Variants in HTR2C observed in about 807,000 individuals in gnomAD.
The protein encoded by HTR2C is 5-hydroxytryptamine (serotonin) receptor 2C, G protein-coupled.
In HTR2C, 5 loss-of-function variants were observed where a neutral mutation model predicts 21.0. That is an observed-to-expected ratio of 0.24 (90% CI 0.12 to 0.50). The LOEUF is 0.50. Ranked by LOEUF, HTR2C falls within the 20% of genes least tolerant of loss-of-function variation. The pLI is 0.98. For missense variants in HTR2C, 271 were observed against 371.2 expected, an observed-to-expected ratio of 0.73 and a Z score of 2.22; for synonymous variants, 150 against 145.3, an observed-to-expected ratio of 1.03 and a Z score of -0.23.
rs147931919 is a variant in HTR2C, at chrX:114,740,636, T to C, written c.349+9029T>C. Reference sequence around the variant, plus strand: ...ACAAAATGGGATTTATTTTTTAAAATAAGGAATTTCTTTATTACCTGATAC... The same window carrying C: ...ACAAAATGGGATTTATTTTTTAAAACAAGGAATTTCTTTATTACCTGATAC... On this transcript the variant is annotated intron_variant, in intron 4 of 5. Transcript: ENST00000276198. 3.8e-3 allele frequency among the ~76,000 whole-genome samples: 423 copies of C among 111,757 alleles called. 4 individuals are homozygous for C. In the East Asian group the frequency reaches 0.054, roughly 14 times the overall value.
At chrX:114,885,693 TTTAGG>T (rs1221161317) in intron 5 of HTR2C, among the ~76,000 whole-genome samples, 1 of 111,750 alleles carries the variant, frequency 8.9e-6, no homozygotes, top group African/African-American at 3.2e-5. Flanking sequence ...ATTTTACTCA[TTTAGG>T]TTATTACTGT....
chrX:114,722,093 G>A (rs369638029), intron 2 of HTR2C, among the ~76,000 whole-genome samples: 1 of 109,857 alleles, frequency 9.1e-6, no homozygotes, highest in East Asian at 2.9e-4. Flanking sequence ...CATTGAATCT[G>A]TAAATTACCT....
chrX:114,823,453 G>T, intron 4 of HTR2C: 1 of 344,931 alleles, frequency 2.9e-6, no homozygotes, highest in Non-Finnish European at 5.8e-6. Flanking sequence ...TCTTCGCATG[G>T]GCCGGGAGGT....
At chrX:114,831,709 C>A (rs1269005688) in intron 4 of HTR2C, among the ~76,000 whole-genome samples, 1 of 107,478 alleles carries the variant, frequency 9.3e-6, no homozygotes, top group Non-Finnish European at 1.9e-5. Context: ...TTAATTAGAT[C>A]CCATTTGTCA....
Position 114,807,352 on chromosome X carries a change from A to G in HTR2C, c.350-40651A>G, listed in dbSNP as rs146424246. Among the ~76,000 whole-genome samples, 254 of 55,585 alleles carry G rather than the reference A, an allele frequency of 4.6e-3. 29 individuals carry two copies. The highest frequency in any genetic ancestry group is 0.017 in the African/African-American group (228 of 13,594). 48.3% of individuals were successfully genotyped at this position (55,585 alleles called of 115,157 possible). On this transcript the variant is annotated intron_variant, in intron 4 of 5. Coordinates refer to ENST00000276198, the MANE Select transcript of HTR2C (RefSeq NM_000868.4). ...TATATACACCATGTATCTATACCATATATATACACCATATATCTATACCAT... is the reference window on the plus strand; with the variant it reads ...TATATACACCATGTATCTATACCATGTATATACACCATATATCTATACCAT...
chrX:114,623,892 CT>C (rs386827009), intron 2 of HTR2C, among the ~76,000 whole-genome samples: 36 of 84,357 alleles, frequency 4.3e-4, no homozygotes, highest in Non-Finnish European at 7.9e-4. Context: ...CAAGTTGTCT[CT>C]TTTTTTGTTG....
chrX:114,766,027 C>T (rs781854088), intron 4 of HTR2C, among the ~76,000 whole-genome samples: 3 of 111,333 alleles, frequency 2.7e-5, no homozygotes, highest in Admixed American at 9.6e-5. Context: ...GTAAAAGATA[C>T]GGAAAGAATC....
intron 5 of HTR2C, among the ~76,000 whole-genome samples, chrX:114,864,567 T>C (rs1180911658): frequency 9.0e-6 from 1 of 111,353 alleles, no homozygotes; most frequent in Non-Finnish European, 1.9e-5. Flanking sequence ...TATACAGTAT[T>C]GAAGTATCCT....
intron 2 of HTR2C, among the ~76,000 whole-genome samples, chrX:114,701,260 A>C (rs1251383065): frequency 2.7e-5 from 3 of 112,062 alleles, no homozygotes; most frequent in African/African-American, 9.7e-5. Context: ...CTGCCTCCTC[A>C]AGTGGGTCCC....
At chrX:114,813,848 T>C (rs782183748) in intron 4 of HTR2C, among the ~76,000 whole-genome samples, 11 of 111,712 alleles carry the variant, frequency 9.8e-5, no homozygotes, top group African/African-American at 3.3e-4. Context: ...CAAGCTATGT[T>C]GTACATTACA....
intron 2 of HTR2C, among the ~76,000 whole-genome samples, chrX:114,622,009 G>C (rs1459712727): frequency 9.0e-6 from 1 of 111,709 alleles, no homozygotes; most frequent in African/African-American, 3.3e-5. Context: ...GCACTTGAAA[G>C]GCCAAGGCTC....
chrX:114,678,270 GACACACACACACACAC>G (rs200416814), intron 2 of HTR2C, among the ~76,000 whole-genome samples: 17 of 100,195 alleles, frequency 1.7e-4, no homozygotes, highest in Non-Finnish European at 2.8e-4. Context: ...CTCTCTGTCT[GACACACACACACACAC>G]ACACACACAC....
chrX:114,701,024 C>A (rs1261132405), intron 2 of HTR2C, among the ~76,000 whole-genome samples: 2 of 112,324 alleles, frequency 1.8e-5, no homozygotes, highest in African/African-American at 6.5e-5. Flanking sequence ...ACCGCCATTG[C>A]CCAGGCTTGC....
chrX:114,706,791 T>A (rs1211945101), intron 2 of HTR2C, among the ~76,000 whole-genome samples: 1 of 111,151 alleles, frequency 9.0e-6, no homozygotes, highest in Admixed American at 9.6e-5. Flanking sequence ...AATCTGCAGC[T>A]GGCTTCATTC....
chrX:114,838,517 A>T (rs1011402374), intron 4 of HTR2C, among the ~76,000 whole-genome samples: 3 of 112,353 alleles, frequency 2.7e-5, no homozygotes, highest in African/African-American at 9.7e-5. Context: ...GAAGAGCTGA[A>T]AGATTAATGT....
At chrX:114,788,550 C>G (rs1484583715) in intron 4 of HTR2C, among the ~76,000 whole-genome samples, 3 of 111,118 alleles carry the variant, frequency 2.7e-5, no homozygotes, top group African/African-American at 9.8e-5. Flanking sequence ...GGGTGAGCCA[C>G]CTCACCTGGC....
intron 4 of HTR2C, among the ~76,000 whole-genome samples, chrX:114,806,662 C>CCACA (rs1569495936): frequency 3.1e-5 from 3 of 95,916 alleles, no homozygotes; most frequent in African/African-American, 1.1e-4. Context: ...TATATATACA[C>CCACA]TATATATACT....
Position 114,778,948 on chromosome X carries a change from A to C in HTR2C, c.349+47341A>C, listed in dbSNP as rs187942881. 4.0e-3 allele frequency among the ~76,000 whole-genome samples: 441 copies of C among 111,567 alleles called. 4 individuals carry two copies. The highest frequency in any genetic ancestry group is 0.014 in the African/African-American group (426 of 30,766). On this transcript the variant is annotated intron_variant, in intron 4 of 5. Transcript: ENST00000276198. ...TTTGAACTCTTCATAAACAAAAGAAATGAAGAATAAATATATATAGGGCCA... is the reference window on the plus strand; with the variant it reads ...TTTGAACTCTTCATAAACAAAAGAACTGAAGAATAAATATATATAGGGCCA...
In HTR2C at chrX:114,807,441, A is replaced by C. The variant is rs369826750; in HGVS notation, c.350-40562A>C. On this transcript the variant is annotated intron_variant, in intron 4 of 5. Coordinates refer to ENST00000276198, the MANE Select transcript of HTR2C (RefSeq NM_000868.4). ...TCTATACCATATATATACGCCATAT[A>C]TATACCATATATATACGCCATATAT... is the stretch of plus-strand genomic sequence containing the variant. Among the ~76,000 whole-genome samples the C allele has an allele frequency of 6.6e-3, 358 of 54,536 alleles. 25 individuals are homozygous for C. The highest frequency in any genetic ancestry group is 0.022 in the African/African-American group (313 of 14,219). 47.4% of individuals were successfully genotyped at this position (54,536 alleles called of 115,157 possible).
Sources: allele counts gnomAD v4.1 joint callset (sites outside exome capture counted in the v4.1 genomes callset), GRCh38; gene constraint gnomAD v4.1.1; transcripts MANE v1.5; gene names NCBI Gene and HGNC (gene_info 2026-07-23, HGNC 2026-07-21).